The following AP3B1 variants were observed in gnomAD, a reference collection of about 807,000 sequenced individuals.
AP3B1 encodes the protein adaptor related protein complex 3 subunit beta 1.
AP3B1 carries 61 observed loss-of-function variants against 132.5 expected under a neutral mutation model. The observed-to-expected ratio is 0.46, with a 90% CI of 0.37 to 0.57. AP3B1 has a LOEUF of 0.57. Among genes scored for constraint, AP3B1 ranks in the 20% least tolerant of loss-of-function variants. The pLI is 0.00. For missense variants in AP3B1, 1,120 were observed against 1,289.4 expected (o/e 0.87, Z 2.01); for synonymous variants, 388 against 438.3 (o/e 0.89, Z 1.43).
chr5:78,177,109 A>G (rs1006561080), intron 9 of AP3B1, among the ~76,000 whole-genome samples: 3 of 152,164 alleles, frequency 2.0e-5, no homozygotes, highest in African/African-American at 7.2e-5. Flanking sequence ...ATGCCACAAA[A>G]TATTTTCAAT....
intron 1 of AP3B1, among the ~76,000 whole-genome samples, chr5:78,280,857 G>C (rs1749018395): frequency 6.6e-6 from 1 of 152,194 alleles, no homozygotes; most frequent in Non-Finnish European, 1.5e-5. Flanking sequence ...TCACAGGGCA[G>C]TATTGCAGAT....
intron 7 of AP3B1, among the ~76,000 whole-genome samples, chr5:78,185,401 AAGG>A (rs1744563283): frequency 6.6e-6 from 1 of 152,236 alleles, no homozygotes; most frequent in Non-Finnish European, 1.5e-5. Context: ...AATGCATGTA[AAGG>A]ACATACCTAA....
At chr5:78,233,918 G>A (rs1047143139) in intron 3 of AP3B1, among the ~76,000 whole-genome samples, 1 of 152,032 alleles carries the variant, frequency 6.6e-6, no homozygotes, top group Non-Finnish European at 1.5e-5. Flanking sequence ...CCTAACAAAA[G>A]AGGAGACAAC....
At chr5:78,044,454 C>G (rs1212333875) in intron 22 of AP3B1, among the ~76,000 whole-genome samples, 1 of 152,034 alleles carries the variant, frequency 6.6e-6, no homozygotes, top group Admixed American at 6.6e-5. Flanking sequence ...TATTTGTTAT[C>G]AAATCATTAA....
intron 21 of AP3B1, among the ~76,000 whole-genome samples, chr5:78,098,126 C>G (rs529606310): frequency 6.6e-6 from 1 of 150,678 alleles, no homozygotes; most frequent in African/African-American, 2.4e-5. Flanking sequence ...CTCAAGTACC[C>G]GGGGACACAA....
chr5:78,157,940 G>A (rs188051267), intron 13 of AP3B1, among the ~76,000 whole-genome samples: 43 of 152,110 alleles, frequency 2.8e-4, no homozygotes, highest in East Asian at 2.3e-3. Context: ...TAGTAGAGAC[G>A]GGGTTTGACC....
chr5:78,063,532 T>C (rs1166228337), intron 22 of AP3B1, among the ~76,000 whole-genome samples: 1 of 152,238 alleles, frequency 6.6e-6, no homozygotes, highest in Non-Finnish European at 1.5e-5. Flanking sequence ...AATTATTTTC[T>C]TTACATCTAT....
At chr5:78,195,690 C>T (rs1450865527) in intron 7 of AP3B1, among the ~76,000 whole-genome samples, 1 of 152,042 alleles carries the variant, frequency 6.6e-6, no homozygotes, top group Non-Finnish European at 1.5e-5. Context: ...TGTGGTGATG[C>T]ACACCTGTTA....
At chr5:78,050,720 TTATA>T (rs1470171681) in intron 22 of AP3B1, among the ~76,000 whole-genome samples, 6 of 152,248 alleles carry the variant, frequency 3.9e-5, no homozygotes, top group African/African-American at 1.4e-4. Flanking sequence ...TTATTAAAAC[TTATA>T]TAAACAAGAG....
At chr5:78,006,556 G>A (rs1376056304) in intron 26 of AP3B1, among the ~76,000 whole-genome samples, 1 of 152,122 alleles carries the variant, frequency 6.6e-6, no homozygotes, top group African/African-American at 2.4e-5. Flanking sequence ...TCTCCCTAAA[G>A]AGACACCAGC....
chr5:78,067,954 A>G (rs1287346806), intron 22 of AP3B1, among the ~76,000 whole-genome samples: 2 of 88,038 alleles, frequency 2.3e-5, no homozygotes, highest in South Asian at 2.5e-4. Flanking sequence ...AAACCCTTCG[A>G]AAAAAAAAAA....
At position 78,240,770 on chromosome 5, in the gene AP3B1, C is replaced by T. The variant is rs547295148; in HGVS notation, c.279+92G>A. ...TAATCATAACAAAAATCTAGTGATACTTAAGTATCTTATGTTGCATTATAC... is the reference window on the plus strand; with the variant it reads ...TAATCATAACAAAAATCTAGTGATATTTAAGTATCTTATGTTGCATTATAC... On this transcript the variant is annotated intron_variant, in intron 3 of 26. Transcript: ENST00000255194. 432 of 843,442 alleles carry T rather than the reference C, an allele frequency of 5.1e-4. 5 individuals are homozygous for T. The South Asian group carries it at 6.4e-3, about 12-fold the overall frequency. 52.2% of individuals were successfully genotyped at this position (843,442 alleles called of 1,614,324 possible). A position where few individuals can be genotyped will look rare whatever the true frequency, so the allele number is the denominator to read the frequency against.
intron 11 of AP3B1, among the ~76,000 whole-genome samples, chr5:78,168,976 TTTTC>T (rs1743783481): frequency 6.6e-6 from 1 of 152,178 alleles, no homozygotes; most frequent in Non-Finnish European, 1.5e-5. Context: ...TTAAACTCAG[TTTTC>T]ATATGAATAA....
chr5:78,147,945 A>G (rs1275005419), intron 14 of AP3B1, among the ~76,000 whole-genome samples: 1 of 152,100 alleles, frequency 6.6e-6, no homozygotes, highest in African/African-American at 2.4e-5. Flanking sequence ...AGGCAGGAGA[A>G]TCACTTGAAC....
chr5:78,034,488 G>T, intron 23 of AP3B1, 43 bp from the exon 24 acceptor site: 1 of 1,437,094 alleles, frequency 7.0e-7, no homozygotes, highest in Non-Finnish European at 9.8e-7. Context: ...CAGAGGATGT[G>T]AAAAAGAGGC....
intron 3 of AP3B1, 103 bp downstream of exon 3, chr5:78,240,759 A>G: frequency 1.3e-6 from 1 of 788,798 alleles, no homozygotes; most frequent in Non-Finnish European, 2.2e-6. Flanking sequence ...CATAACAAAA[A>G]TCTAGTGATA....
At chr5:78,036,971 G>T (rs981084616) in intron 23 of AP3B1, among the ~76,000 whole-genome samples, 1 of 152,138 alleles carries the variant, frequency 6.6e-6, no homozygotes, top group Non-Finnish European at 1.5e-5. Context: ...GCAGACAAAA[G>T]AACTCTGTAT....
At chr5:78,054,704 GCATTT>G (rs1277761054) in intron 22 of AP3B1, among the ~76,000 whole-genome samples, 1 of 152,156 alleles carries the variant, frequency 6.6e-6, no homozygotes, top group Non-Finnish European at 1.5e-5. Flanking sequence ...GTGTTGCCTT[GCATTT>G]AAGTGAATTG....
intron 14 of AP3B1, among the ~76,000 whole-genome samples, chr5:78,155,037 T>C (rs886150910): frequency 1.3e-5 from 2 of 152,200 alleles, no homozygotes; most frequent in African/African-American, 4.8e-5. Flanking sequence ...CTCTGGGCAT[T>C]GAAGTTAGGT....
Sources: allele counts gnomAD v4.1 joint callset (sites outside exome capture counted in the v4.1 genomes callset), GRCh38; gene constraint gnomAD v4.1.1; transcripts MANE v1.5; gene names NCBI Gene and HGNC (gene_info 2026-07-23, HGNC 2026-07-21).